CSMD1: variants seen among roughly 807,000 people sequenced by gnomAD.
CSMD1 encodes the protein CUB and sushi domain-containing protein 1.
CSMD1 carries 213 observed loss-of-function variants against 417.5 expected under a neutral mutation model. The ratio of observed to expected loss-of-function variants is 0.51; its 90% CI spans 0.46 to 0.57. The LOEUF is 0.57. Among genes scored for constraint, CSMD1 ranks in the 20% least tolerant of loss-of-function variants. The pLI is 0.00. For synonymous variants in CSMD1, 2,862 were observed against 1,736.8 expected (o/e 1.65, Z -16.11); for missense variants, 6,923 against 4,529.7 (o/e 1.53, Z -15.17).
chr8:3,671,472 C>A (rs1249142505), intron 7 of CSMD1, among the ~76,000 whole-genome samples: 2 of 117,982 alleles, frequency 1.7e-5, no homozygotes, highest in African/African-American at 3.3e-5. Context: ...CACATATAAT[C>A]ATATATATAC....
At chr8:4,390,436 A>G (rs992732744) in intron 3 of CSMD1, among the ~76,000 whole-genome samples, 3 of 152,008 alleles carry the variant, frequency 2.0e-5, no homozygotes, top group Non-Finnish European at 4.4e-5. Context: ...GATAAATGAC[A>G]TATTGGATGT....
chr8:3,720,601 T>G (rs1175452689), intron 6 of CSMD1, among the ~76,000 whole-genome samples: 1 of 135,410 alleles, frequency 7.4e-6, no homozygotes, highest in Non-Finnish European at 1.6e-5. Flanking sequence ...ACAGCATTGG[T>G]GGTCAAAGTC....
intron 23 of CSMD1, among the ~76,000 whole-genome samples, chr8:3,339,484 C>T (rs1044560617): frequency 2.0e-5 from 3 of 152,092 alleles, no homozygotes; most frequent in African/African-American, 4.8e-5. Context: ...CATCGGTGTA[C>T]CCAAAATAGA....
chr8:3,077,023 C>G (rs921760501), intron 49 of CSMD1, among the ~76,000 whole-genome samples: 2 of 123,254 alleles, frequency 1.6e-5, no homozygotes, highest in East Asian at 5.0e-4. Flanking sequence ...TTTTGGAGTC[C>G]TAAGTGCACT....
intron 33 of CSMD1, among the ~76,000 whole-genome samples, chr8:3,199,096 TAGG>T (rs1444783945): frequency 2.6e-5 from 4 of 152,160 alleles, no homozygotes; most frequent in Non-Finnish European, 5.9e-5. Flanking sequence ...TGAAACAAAT[TAGG>T]AGAAAATTCT....
At chr8:4,839,412 A>C (rs369272897) in intron 1 of CSMD1, among the ~76,000 whole-genome samples, 1 of 152,320 alleles carries the variant, frequency 6.6e-6, no homozygotes, top group African/African-American at 2.4e-5. Context: ...CACTTTACAC[A>C]TTCTACTTTG....
intron 3 of CSMD1, among the ~76,000 whole-genome samples, chr8:4,398,590 T>G (rs771694005): frequency 6.6e-6 from 1 of 151,548 alleles, no homozygotes; most frequent in Non-Finnish European, 1.5e-5. Context: ...AGAGACGGGG[T>G]TTCACCGTGT....
intron 26 of CSMD1, among the ~76,000 whole-genome samples, chr8:3,257,381 C>G (rs1800733771): frequency 6.6e-6 from 1 of 152,226 alleles, no homozygotes; most frequent in African/African-American, 2.4e-5. Context: ...TCACTTGGGA[C>G]ACATCAATCA....
intron 8 of CSMD1, among the ~76,000 whole-genome samples, chr8:3,609,190 A>T (rs1801768334): frequency 6.6e-6 from 1 of 152,214 alleles, no homozygotes; most frequent in South Asian, 2.1e-4. Context: ...AAACATGAGG[A>T]TAATTACATC....
At chr8:3,491,737 G>T (rs747652531) in intron 11 of CSMD1, among the ~76,000 whole-genome samples, 1 of 152,182 alleles carries the variant, frequency 6.6e-6, no homozygotes, top group African/African-American at 2.4e-5. Context: ...AAGGGGATAA[G>T]GTGAGTATAA....
intron 12 of CSMD1, among the ~76,000 whole-genome samples, chr8:3,451,543 G>C (rs1815716629): frequency 6.6e-6 from 1 of 152,152 alleles, no homozygotes; most frequent in Non-Finnish European, 1.5e-5. Context: ...TAGCTAGCCA[G>C]TTTTCCCAGC....
intron 3 of CSMD1, among the ~76,000 whole-genome samples, chr8:4,150,546 T>C (rs1585427426): frequency 6.6e-6 from 1 of 152,174 alleles, no homozygotes; most frequent in Non-Finnish European, 1.5e-5. Context: ...GTGTAATGAA[T>C]TAACATGACC....
intron 3 of CSMD1, among the ~76,000 whole-genome samples, chr8:4,317,918 T>C (rs1315297258): frequency 1.3e-5 from 2 of 152,180 alleles, no homozygotes; most frequent in Admixed American, 6.5e-5. Context: ...GAGAACAAAA[T>C]GTCAAGAATG....
chr8:4,229,994 G>A (rs1427802569), intron 3 of CSMD1, among the ~76,000 whole-genome samples: 1 of 152,152 alleles, frequency 6.6e-6, no homozygotes, highest in Non-Finnish European at 1.5e-5. Context: ...ACTTAAGTCT[G>A]TAATAAATGC....
chr8:4,170,057 C>G (rs1346889857), intron 3 of CSMD1, among the ~76,000 whole-genome samples: 1 of 151,790 alleles, frequency 6.6e-6, no homozygotes, highest in Non-Finnish European at 1.5e-5. Flanking sequence ...CTCAAAACCT[C>G]TAGGTAAGGA....
chr8:4,186,279 G>T (rs139162549), intron 3 of CSMD1, among the ~76,000 whole-genome samples: 2 of 152,214 alleles, frequency 1.3e-5, no homozygotes, highest in East Asian at 3.9e-4. Context: ...AATTACAAGA[G>T]AAGGAGGCCC....
intron 6 of CSMD1, among the ~76,000 whole-genome samples, chr8:3,739,396 C>T (rs1000738718): frequency 6.6e-6 from 1 of 152,154 alleles, no homozygotes; most frequent in Non-Finnish European, 1.5e-5. Context: ...AGTTAGAAGA[C>T]AGGATTTAGA....
At chr8:4,236,026 G>GCTTTT (rs1420352173) in intron 3 of CSMD1, among the ~76,000 whole-genome samples, 25 of 108,104 alleles carry the variant, frequency 2.3e-4, no homozygotes, top group East Asian at 5.0e-4. Context: ...AATGGATATT[G>GCTTTT]TTTTTTTTGT....
intron 3 of CSMD1, among the ~76,000 whole-genome samples, chr8:4,272,123 G>T (rs1416801919): frequency 6.6e-6 from 1 of 152,138 alleles, no homozygotes; most frequent in South Asian, 2.1e-4. Context: ...GTGTGTGTGT[G>T]TGGCTGGACA....
Sources: allele counts gnomAD v4.1 joint callset (sites outside exome capture counted in the v4.1 genomes callset), GRCh38; gene constraint gnomAD v4.1.1; transcripts MANE v1.5; gene names NCBI Gene and HGNC (gene_info 2026-07-23, HGNC 2026-07-21).